The following NPAS2 variants were observed in gnomAD, a reference collection of about 807,000 sequenced individuals.
The protein encoded by NPAS2 is neuronal PAS domain-containing protein 2.
NPAS2 carries 23 observed loss-of-function variants against 107.5 expected under a neutral mutation model. The observed-to-expected ratio is 0.21, with a 90% confidence interval of 0.15 to 0.30. The LOEUF (loss-of-function observed/expected upper bound fraction) is 0.30, where lower values mean the gene tolerates loss of function less well. Among genes scored for constraint, NPAS2 ranks in the 10% least tolerant of loss-of-function variants. The pLI is 1.00. For synonymous variants in NPAS2, 403 were observed against 417.5 expected, an observed-to-expected ratio of 0.97 and a Z score of 0.42; for missense variants, 756 against 1,043.3, an observed-to-expected ratio of 0.72 and a Z score of 3.79.
Position 100,869,720 on chromosome 2 carries a change from CTCT to C in NPAS2, c.-22-35008_-22-35006del, listed in dbSNP as rs1453870597. ...GAGGTCGAGCTTTACAAGCAAGGGTCTCTTCTTAGGCATACCCCTCCCCTCCAA... is the reference window on the plus strand; with the variant it reads ...GAGGTCGAGCTTTACAAGCAAGGGTCTCTTAGGCATACCCCTCCCCTCCAA... On this transcript the variant is annotated intron_variant, in intron 1 of 20. Transcript: ENST00000335681. 3.9e-5 allele frequency among the ~76,000 whole-genome samples: 6 copies of C among 152,238 alleles called. No homozygotes were observed. In the East Asian group the frequency reaches 1.2e-3, roughly 30 times the overall value.
chr2:100,919,648 T>C (rs994597160), intron 2 of NPAS2, among the ~76,000 whole-genome samples: 13 of 152,120 alleles, frequency 8.5e-5, no homozygotes, highest in African/African-American at 3.1e-4. Context: ...ATCCAAAAGC[T>C]CAGACCAGGT....
In NPAS2 at chr2:100,925,241, T is replaced by G; in HGVS notation, c.128T>G (p.Met43Arg). 1.2e-6 allele frequency: 2 copies of G among 1,614,030 alleles called. No homozygotes were observed. The highest frequency in any genetic ancestry group is 8.5e-7 in the Non-Finnish European group (1 of 1,180,010). ...SSMLPGNTRK[M>R]DKTTVLEKVI... ...ATGCTCCCTGGCAACACGCGGAAAA[T>G]GGACAAAACCACCGTGTTGGAAAAG... The change falls in exon 3 of 21, where the codon ATG becomes AGG. Residue 43 changes from methionine to arginine, a missense_variant. Transcript: ENST00000335681.
chr2:100,821,369 A>T (rs964300394), intron 1 of NPAS2, among the ~76,000 whole-genome samples: 1 of 152,048 alleles, frequency 6.6e-6, no homozygotes, highest in Admixed American at 6.5e-5. Context: ...CTGGAGTTCA[A>T]CAGGTGTTCA....
chr2:100,829,087 A>G (rs528411291), intron 1 of NPAS2, among the ~76,000 whole-genome samples: 13 of 151,848 alleles, frequency 8.6e-5, no homozygotes, highest in African/African-American at 1.2e-4. Context: ...AGTGTTTTAT[A>G]GTTCTCATTG....
chr2:100,934,422 AT>A (rs1214584639), intron 4 of NPAS2, among the ~76,000 whole-genome samples: 1 of 152,118 alleles, frequency 6.6e-6, no homozygotes. Context: ...CGGGACTGAG[AT>A]TCAGGAGACT....
intron 5 of NPAS2, among the ~76,000 whole-genome samples, chr2:100,942,307 C>T (rs905907811): frequency 3.9e-5 from 6 of 152,138 alleles, no homozygotes; most frequent in Admixed American, 3.3e-4. Context: ...TGTGTTAACA[C>T]AAAACACAGC....
chr2:100,876,472 A>G (rs1403623649), intron 1 of NPAS2, among the ~76,000 whole-genome samples: 1 of 152,122 alleles, frequency 6.6e-6, no homozygotes, highest in Non-Finnish European at 1.5e-5. Flanking sequence ...TGGCCTTTCC[A>G]TTTGGCCATA....
intron 1 of NPAS2, among the ~76,000 whole-genome samples, chr2:100,856,329 G>A (rs973610256): frequency 2.6e-5 from 4 of 152,232 alleles, no homozygotes; most frequent in East Asian, 1.9e-4. Context: ...GAACTGTTTC[G>A]TTACATGACT....
chr2:100,995,642 A>G lies in NPAS2; in HGVS notation c.*60A>G. On this transcript the variant is annotated 3_prime_UTR_variant, in exon 21 of 21. Transcript: ENST00000335681. ...TAACCAATGGATGAGGGGGGTGGCC[A>G]CAGGAGATGGGGAGAGGAGTCTGAA... The G allele has an allele frequency of 1.3e-6, 2 of 1,567,792 alleles. No individual in the cohort carries two copies. Among genetic ancestry groups the G allele is most frequent in the Non-Finnish European group, 1.7e-6 (2 of 1,156,494 alleles).
At chr2:100,880,780 A>G (rs1680282541) in intron 1 of NPAS2, among the ~76,000 whole-genome samples, 1 of 140,802 alleles carries the variant, frequency 7.1e-6, no homozygotes, top group Non-Finnish European at 1.5e-5. Flanking sequence ...TTTAAACAAT[A>G]ATCTGAGGGC....
At chr2:100,979,500 ATATTTTTTTT>A (rs1342172114) in intron 15 of NPAS2, among the ~76,000 whole-genome samples, 26 of 50,074 alleles carry the variant, frequency 5.2e-4, no homozygotes, top group African/African-American at 1.4e-3. Flanking sequence ...ATATATATAT[ATATTTTTTTT>A]TTTTTTTTTT....
At chr2:100,914,827 G>A (rs918302722) in intron 2 of NPAS2, among the ~76,000 whole-genome samples, 2 of 152,232 alleles carry the variant, frequency 1.3e-5, no homozygotes, top group African/African-American at 4.8e-5. Context: ...GCTGTAAAGC[G>A]TGAGCAGAAT....
intron 1 of NPAS2, among the ~76,000 whole-genome samples, chr2:100,859,594 A>G (rs1558815403): frequency 6.6e-6 from 1 of 152,146 alleles, no homozygotes; most frequent in Non-Finnish European, 1.5e-5. Context: ...GGAACCAGTG[A>G]CGCCAGGGGA....
intron 1 of NPAS2, among the ~76,000 whole-genome samples, chr2:100,875,510 T>G (rs7564936): frequency 0.68 from 100,534 of 148,006 alleles, 34,619 homozygotes; most frequent in Non-Finnish European, 0.76. Flanking sequence ...ACACACAGCA[T>G]GTAGGGATCA....
rs756993170 is a variant in NPAS2, at chr2:100,823,208, A to G, written c.-23+2794A>G. Among the ~76,000 whole-genome samples the G allele has an allele frequency of 3.3e-5, 5 of 152,218 alleles. No individual in the cohort carries two copies. The East Asian group carries it at 5.8e-4, about 18-fold the overall frequency. On this transcript the variant is annotated intron_variant, in intron 1 of 20. Coordinates refer to ENST00000335681, the MANE Select transcript of NPAS2 (RefSeq NM_002518.4). ...TTAAATCTCAAGGTGATGATGATTAATAGTATCTCAGGGCACTAAATAAAC... is the reference window on the plus strand; with the variant it reads ...TTAAATCTCAAGGTGATGATGATTAGTAGTATCTCAGGGCACTAAATAAAC...
Position 100,964,083 on chromosome 2 carries a change from T to C in NPAS2, c.624T>C (p.Phe208=). 6.2e-7 allele frequency: 1 copy of C among 1,614,048 alleles called. No homozygotes were observed. Among genetic ancestry groups the C allele is most frequent in the Non-Finnish European group, 8.5e-7 (1 of 1,179,920 alleles). ...NNVPSPSCNG[F]DNTLSRPCRV... ...TGCCTAGCCCCTCCTGTAATGGTTT[T>C]GACAACACCCTTTCAAGACCTTGCC... Residue 208 remains phenylalanine, a synonymous_variant, in exon 8 of 21, where the codon TTT becomes TTC. Transcript: ENST00000335681.
chr2:100,970,674 G>A (rs1354860174), intron 11 of NPAS2: 4 of 244,086 alleles, frequency 1.6e-5, no homozygotes, highest in East Asian at 9.0e-5. Flanking sequence ...TCCCATAGAC[G>A]AAAATGTGTT....
chr2:100,826,810 T>A (rs1210427863), intron 1 of NPAS2, among the ~76,000 whole-genome samples: 3 of 152,162 alleles, frequency 2.0e-5, no homozygotes, highest in Admixed American at 1.3e-4. Flanking sequence ...CCATCTACAG[T>A]GTGTAAGGCC....
At chr2:100,984,035 G>A (rs1407511512) in intron 16 of NPAS2, 1 of 152,192 alleles carries the variant, frequency 6.6e-6, no homozygotes, top group African/African-American at 2.4e-5. Flanking sequence ...TTATAACAAA[G>A]TATTTTTCCT....
Sources: allele counts gnomAD v4.1 joint callset (sites outside exome capture counted in the v4.1 genomes callset), GRCh38; gene constraint gnomAD v4.1.1; transcripts MANE v1.5; gene names NCBI Gene and HGNC (gene_info 2026-07-23, HGNC 2026-07-21).